DCBLD1: variants seen among roughly 807,000 people sequenced by gnomAD.
DCBLD1 encodes discoidin, CUB and LCCL domain-containing protein 1.
In DCBLD1, 57 loss-of-function variants were observed where a neutral mutation model predicts 71.5. That is an observed-to-expected ratio of 0.80 (90% CI 0.64 to 0.99). The LOEUF (loss-of-function observed/expected upper bound fraction) is 0.99, where lower values mean the gene tolerates loss of function less well. Among genes scored for constraint, DCBLD1 ranks in the 50% least tolerant of loss-of-function variants. The pLI, the probability that DCBLD1 is intolerant of heterozygous loss-of-function variation, is 0.00. For synonymous variants in DCBLD1, 380 were observed against 363.8 expected (o/e 1.04, Z -0.51); for missense variants, 891 against 923.5 (o/e 0.96, Z 0.46).
intron 3 of DCBLD1, among the ~76,000 whole-genome samples, chr6:117,520,538 C>T (rs1057112271): frequency 6.6e-6 from 1 of 152,174 alleles, no homozygotes; most frequent in Admixed American, 6.5e-5. Context: ...CCGCAACACA[C>T]GCCAGTACAC....
intron 1 of DCBLD1, among the ~76,000 whole-genome samples, chr6:117,490,883 G>T (rs77596863): frequency 0.031 from 4,651 of 152,260 alleles, 85 homozygotes; most frequent in Non-Finnish European, 0.038. Context: ...AGCATGTTTA[G>T]TGATTGTGCT....
intron 9 of DCBLD1, 91 bp from the exon 10 acceptor site, chr6:117,540,577 C>G (rs988848270): frequency 6.7e-7 from 1 of 1,495,470 alleles, no homozygotes; most frequent in African/African-American, 1.4e-5. Flanking sequence ...GAATCCTTGC[C>G]TTGGTTTCAT....
At chr6:117,533,137 T>C (rs9374667) in intron 6 of DCBLD1, among the ~76,000 whole-genome samples, 46,697 of 151,992 alleles carry the variant, frequency 0.31, 8,254 homozygotes, top group African/African-American at 0.49. Context: ...AAGTGCTCCT[T>C]GAGCCACTGT....
In DCBLD1 at chr6:117,532,330, T is replaced by A; in HGVS notation, c.656T>A (p.Val219Glu). ...IADELGGQIS[V>E]LQRKGISRYE... ...GATGAACTAGGTGGCCAGATCAGTG[T>A]GCTTCAGCGCAAAGGGATCAGTCGA... Residue 219 changes from valine to glutamate, a missense_variant, in exon 6 of 15, where the codon GTG (valine) becomes GAG (glutamate). By Grantham distance (121) the Val-to-Glu change is moderately radical. Transcript: ENST00000338728. The A allele has an allele frequency of 6.2e-7, 1 of 1,613,974 alleles. No individual in the cohort carries two copies. The highest frequency in any genetic ancestry group is 1.3e-5 in the African/African-American group (1 of 75,062).
chr6:117,548,947 C>T lies in DCBLD1; in HGVS notation c.*508C>T, dbSNP rs997994841. 4.0e-6 allele frequency: 4 copies of T among 987,912 alleles called. No homozygotes were observed. In the African/African-American group the frequency reaches 7.0e-5, roughly 17 times the overall value. The allele number at this position is 987,912 out of a possible 1,614,324, so 61.2% of individuals were successfully genotyped here. ...TAGTCTTGTTGTTATTGAGTCATTTCCTCTCCTTTGATAACTAGAACTGAA... is the reference window on the plus strand; with the variant it reads ...TAGTCTTGTTGTTATTGAGTCATTTTCTCTCCTTTGATAACTAGAACTGAA... On this transcript the variant is annotated 3_prime_UTR_variant, in exon 15 of 15. Transcript: ENST00000338728.
At chr6:117,542,068 G>A (rs976465734) in intron 11 of DCBLD1, among the ~76,000 whole-genome samples, 1 of 152,056 alleles carries the variant, frequency 6.6e-6, no homozygotes, top group African/African-American at 2.4e-5. Context: ...CGAGGCGGGC[G>A]GATTGCCTGA....
At chr6:117,511,493 A>G (rs1778019669) in intron 2 of DCBLD1, among the ~76,000 whole-genome samples, 1 of 152,162 alleles carries the variant, frequency 6.6e-6, no homozygotes, top group Admixed American at 6.5e-5. Flanking sequence ...TATTTTTTTA[A>G]GCATTGTCAG....
chr6:117,555,876 TTATC>T (rs1779489448), intron 14 of DCBLD1, among the ~76,000 whole-genome samples: 1 of 152,170 alleles, frequency 6.6e-6, no homozygotes. Flanking sequence ...GCTGACAATT[TTATC>T]TATATTTCCC....
Position 117,548,383 on chromosome 6 carries a change from G to T in DCBLD1, c.2092G>T (p.Ala698Ser), listed in dbSNP as rs996423045. The T allele has an allele frequency of 1.9e-6, 3 of 1,550,650 alleles. No individual in the cohort carries two copies. Among genetic ancestry groups the T allele is most frequent in the Admixed American group, 2.0e-5 (1 of 51,004 alleles). The stretch of plus-strand genomic sequence containing the variant: ...TCCCGGGACGAGTGACAGCTATTCT[G>T]CCCCCAGAGACTGCCTCACACCCCT... Reference protein sequence around the residue: ...THPGTSDSYSAPRDCLTPLNQ... With the variant: ...THPGTSDSYSSPRDCLTPLNQ... The change falls in exon 15 of 15, where the codon GCC (alanine) becomes TCC (serine). Residue 698 changes from alanine to serine, a missense_variant. Transcript: ENST00000338728.
At chr6:117,503,496 T>C (rs979576249) in intron 1 of DCBLD1, 1 of 417,468 alleles carries the variant, frequency 2.4e-6, no homozygotes, top group African/African-American at 2.0e-5. Context: ...TTAGAAAAAA[T>C]AATGATTAAA....
chr6:117,524,787 T>G (rs1430402170), intron 4 of DCBLD1, among the ~76,000 whole-genome samples: 1 of 152,178 alleles, frequency 6.6e-6, no homozygotes, highest in Non-Finnish European at 1.5e-5. Flanking sequence ...TATTATTAAT[T>G]TTGCATATTT....
At chr6:117,514,540 C>T (rs779421900) in intron 2 of DCBLD1, among the ~76,000 whole-genome samples, 5 of 150,454 alleles carry the variant, frequency 3.3e-5, no homozygotes, top group Non-Finnish European at 5.9e-5. Context: ...CAGGAGGAGC[C>T]GTGATCACGC....
intron 2 of DCBLD1, among the ~76,000 whole-genome samples, chr6:117,506,834 A>C (rs1223062368): frequency 6.6e-6 from 1 of 152,244 alleles, no homozygotes; most frequent in East Asian, 1.9e-4. Flanking sequence ...CCAGTAAAAG[A>C]AGGGAATGTC....
At chr6:117,514,276 A>T (rs1352572739) in intron 2 of DCBLD1, among the ~76,000 whole-genome samples, 1 of 152,144 alleles carries the variant, frequency 6.6e-6, no homozygotes, top group Non-Finnish European at 1.5e-5. Flanking sequence ...CATTCTTGCT[A>T]TTCTGATGTT....
At chr6:117,503,608 A>G (rs1177298730) in intron 1 of DCBLD1, 159 bp from the exon 2 acceptor site, 1 of 672,774 alleles carries the variant, frequency 1.5e-6, no homozygotes, top group Non-Finnish European at 2.5e-6. Flanking sequence ...GAAACAATAG[A>G]TATTGTTTAA....
intron 6 of DCBLD1, among the ~76,000 whole-genome samples, chr6:117,533,642 C>G (rs528019640): frequency 6.6e-6 from 1 of 152,334 alleles, no homozygotes; most frequent in Admixed American, 6.5e-5. Context: ...GACTTACGAA[C>G]TCACATATAA....
At chr6:117,562,957 G>A (rs1583046516) in intron 14 of DCBLD1, 1 of 319,530 alleles carries the variant, frequency 3.1e-6, no homozygotes, top group Non-Finnish European at 5.8e-6. Context: ...AAGTAAAACA[G>A]TAGGGTTTCA....
At chr6:117,511,454 G>C (rs565762991) in intron 2 of DCBLD1, among the ~76,000 whole-genome samples, 1 of 152,250 alleles carries the variant, frequency 6.6e-6, no homozygotes, top group African/African-American at 2.4e-5. Flanking sequence ...GTTCTCCTAC[G>C]TTTTCTGTAC....
chr6:117,518,300 C>T (rs1033653240), intron 2 of DCBLD1, among the ~76,000 whole-genome samples: 2 of 152,162 alleles, frequency 1.3e-5, no homozygotes, highest in Non-Finnish European at 2.9e-5. Context: ...CATCTGAGAC[C>T]ACCTCAGCGT....
Sources: allele counts gnomAD v4.1 joint callset (sites outside exome capture counted in the v4.1 genomes callset), GRCh38; gene constraint gnomAD v4.1.1; transcripts MANE v1.5; gene names NCBI Gene and HGNC (gene_info 2026-07-23, HGNC 2026-07-21).